Variants in PCDHA9 observed in about 807,000 individuals in gnomAD.
PCDHA9 encodes the protein protocadherin alpha 9, also known as protocadherin alpha-9.
PCDHA9 carries 62 observed loss-of-function variants against 62.0 expected under a neutral mutation model. The ratio of observed to expected loss-of-function variants is 1.00; its 90% confidence interval spans 0.81 to 1.23. PCDHA9 has a LOEUF of 1.23. Ranked by LOEUF, PCDHA9 falls within the 50% of genes most tolerant of loss-of-function variation. The pLI, the probability that PCDHA9 is intolerant of heterozygous loss-of-function variation, is 0.00. For synonymous variants in PCDHA9, 557 were observed against 567.6 expected, an observed-to-expected ratio of 0.98 and a Z score of 0.27; for missense variants, 1,205 against 1,249.8, an observed-to-expected ratio of 0.96 and a Z score of 0.54.
intron 1 of PCDHA9, chr5:140,871,331 C>A (rs1414219251): frequency 6.2e-7 from 1 of 1,614,102 alleles, no homozygotes; most frequent in Non-Finnish European, 8.5e-7. Flanking sequence ...TGCTCCCGCG[C>A]GGTGGGGAGC....
chr5:140,969,076 T>C, intron 1 of PCDHA9: 2 of 1,614,162 alleles, frequency 1.2e-6, no homozygotes, highest in South Asian at 2.2e-5. Flanking sequence ...GGATACCGCA[T>C]GGCCTCAAAG....
intron 1 of PCDHA9, chr5:140,858,297 A>T: frequency 1.3e-6 from 2 of 1,597,406 alleles, no homozygotes; most frequent in Non-Finnish European, 1.7e-6. Context: ...TCTTACTCGC[A>T]GCAGAGGCGG....
At chr5:140,959,544 T>C (rs2095494180) in intron 1 of PCDHA9, among the ~76,000 whole-genome samples, 1 of 152,208 alleles carries the variant, frequency 6.6e-6, no homozygotes, top group Non-Finnish European at 1.5e-5. Context: ...AGAGATGCTG[T>C]ATAAATAGAA....
chr5:140,918,868 T>C (rs1584116749), intron 1 of PCDHA9, among the ~76,000 whole-genome samples: 1 of 152,216 alleles, frequency 6.6e-6, no homozygotes, highest in Admixed American at 6.5e-5. Context: ...TCATGAACTT[T>C]CAAGCCTCTA....
intron 1 of PCDHA9, chr5:140,856,680 T>C: frequency 6.3e-7 from 1 of 1,596,810 alleles, no homozygotes. Context: ...AAGTTGTTGT[T>C]GACAGCAACT....
rs2150422300 is a variant in PCDHA9, at chr5:140,848,837, G to T, written c.342G>T (p.Leu114=). The change falls in exon 1 of 4, where the codon CTG becomes CTT. Residue 114 remains leucine (L), a synonymous_variant. Coordinates refer to ENST00000532602, the MANE Select transcript of PCDHA9 (RefSeq NM_031857.2). The stretch of plus-strand genomic sequence containing the variant: ...TGGAGGTGATCGTAGACAGGCCGCT[G>T]CAGGTTTTCCATGTGGACGTGGAGG... ...IHLEVIVDRP[L]QVFHVDVEVK... 11 of 1,590,342 alleles carry T rather than the reference G, an allele frequency of 6.9e-6. 1 individual carries two copies. Among genetic ancestry groups the T allele is most frequent in the Non-Finnish European group, 9.5e-6 (11 of 1,162,060 alleles).
In PCDHA9 at chr5:140,857,166, T is replaced by A. The variant is rs1554149611; in HGVS notation, c.2394+6277T>A. ...GGCACCGTCATTGCCCTAATCAGCG[T>A]TTCTGACCATGATTCAGGAGCCAAC... On this transcript the variant is annotated intron_variant, in intron 1 of 3. Transcript: ENST00000532602. 3.1e-6 allele frequency: 5 copies of A among 1,598,172 alleles called. No homozygotes were observed. The African/African-American group carries it at 5.4e-5, about 17-fold the overall frequency.
At chr5:140,965,689 A>T (rs2095924180) in intron 1 of PCDHA9, among the ~76,000 whole-genome samples, 2 of 152,266 alleles carry the variant, frequency 1.3e-5, no homozygotes, top group African/African-American at 4.8e-5. Context: ...TTGAAGCAAG[A>T]TTAGAAAAAG....
chr5:141,006,233 A>G (rs1311441986), intron 3 of PCDHA9, among the ~76,000 whole-genome samples: 2 of 151,044 alleles, frequency 1.3e-5, no homozygotes, highest in African/African-American at 4.9e-5. Flanking sequence ...TTATTTTTAG[A>G]TGGAGTCTTG....
chr5:141,001,946 G>A (rs1554258360), intron 3 of PCDHA9, among the ~76,000 whole-genome samples: 4 of 147,266 alleles, frequency 2.7e-5, no homozygotes, highest in African/African-American at 1.1e-4. Flanking sequence ...CGGAAATAAG[G>A]AGGAGGGAGA....
At chr5:140,976,871 A>G (rs2096735171) in intron 1 of PCDHA9, among the ~76,000 whole-genome samples, 2 of 152,224 alleles carry the variant, frequency 1.3e-5, no homozygotes, top group Non-Finnish European at 2.9e-5. Flanking sequence ...TGTCTGACAA[A>G]GAAAGAATTA....
At chr5:140,928,434 CTT>C (rs1554205890) in intron 1 of PCDHA9, 1 of 1,614,172 alleles carries the variant, frequency 6.2e-7, no homozygotes, top group South Asian at 1.1e-5. Flanking sequence ...CTTCCTTTGA[CTT>C]TGAGCAGCTC....
At chr5:141,001,872 CAAG>C (rs1329160545) in intron 3 of PCDHA9, among the ~76,000 whole-genome samples, 1 of 152,126 alleles carries the variant, frequency 6.6e-6, no homozygotes, top group African/African-American at 2.4e-5. Flanking sequence ...TGCCCAAAAC[CAAG>C]AAGGAGCAAA....
intron 1 of PCDHA9, among the ~76,000 whole-genome samples, chr5:140,925,606 C>A (rs1554202814): frequency 1.3e-5 from 2 of 150,882 alleles, no homozygotes; most frequent in African/African-American, 4.9e-5. Context: ...TGTAACAAAC[C>A]TGCACGTTGT....
chr5:140,863,231 C>T lies in PCDHA9; in HGVS notation c.2394+12342C>T, dbSNP rs189351986. On this transcript the variant is annotated intron_variant, in intron 1 of 3. Coordinates refer to ENST00000532602, the MANE Select transcript of PCDHA9 (RefSeq NM_031857.2). The stretch of plus-strand genomic sequence containing the variant: ...AGCAGCCAAGCGAGGAAGGTCCCAT[C>T]GCGGGCTTTGGCGGGCGTCGAGGTC... 2.5e-3 allele frequency: 3,078 copies of T among 1,227,642 alleles called. 13 individuals are homozygous for T. Among genetic ancestry groups the T allele is most frequent in the Middle Eastern group, 9.9e-3 (48 of 4,856 alleles). The allele number at this position is 1,227,642 out of a possible 1,614,324, so 76.0% of individuals were successfully genotyped here.
At chr5:140,969,087 T>C (rs146741684) in intron 1 of PCDHA9, 741 of 1,613,920 alleles carry the variant, frequency 4.6e-4, no homozygotes, top group Non-Finnish European at 5.8e-4. Flanking sequence ...GGCCTCAAAG[T>C]GCAGCCTCAC....
At chr5:140,941,019 C>T (rs569905763) in intron 1 of PCDHA9, among the ~76,000 whole-genome samples, 4 of 152,142 alleles carry the variant, frequency 2.6e-5, no homozygotes, top group East Asian at 1.9e-4. Context: ...TCCTATTTTC[C>T]TTCTGGCCTT....
chr5:140,883,339 C>T (rs142984869), intron 1 of PCDHA9: 2 of 1,614,172 alleles, frequency 1.2e-6, no homozygotes, highest in Admixed American at 3.3e-5. Flanking sequence ...CTTTGTCACT[C>T]CCCATCAGAG....
chr5:140,931,716 T>G (rs1205500293), intron 1 of PCDHA9, among the ~76,000 whole-genome samples: 5 of 151,962 alleles, frequency 3.3e-5, no homozygotes, highest in Admixed American at 3.3e-4. Context: ...TAAAATAACT[T>G]CTATAAATAT....
Sources: allele counts gnomAD v4.1 joint callset (sites outside exome capture counted in the v4.1 genomes callset), GRCh38; gene constraint gnomAD v4.1.1; transcripts MANE v1.5; gene names NCBI Gene and HGNC (gene_info 2026-07-23, HGNC 2026-07-21).